TP73: variants seen among roughly 807,000 people sequenced by gnomAD.
The protein encoded by TP73 is tumor protein p73, also known as p53-like transcription factor.
Under a neutral mutation model 62.5 loss-of-function variants are expected in TP73, and 25 were observed. The observed-to-expected ratio is 0.40, with a 90% CI of 0.29 to 0.56. The LOEUF (loss-of-function observed/expected upper bound fraction) is 0.56, where lower values mean the gene tolerates loss of function less well. Ranked by LOEUF, TP73 falls within the 20% of genes least tolerant of loss-of-function variation. The probability of loss-of-function intolerance (pLI) is 0.46; values close to 1 mark genes in which losing one functional copy is unlikely to be tolerated. For synonymous variants in TP73, 423 were observed against 377.5 expected (o/e 1.12, Z -1.40); for missense variants, 754 against 913.3 (o/e 0.83, Z 2.25).
intron 3 of TP73, among the ~76,000 whole-genome samples, chr1:3,706,757 G>A (rs1356976906): frequency 2.0e-5 from 3 of 152,054 alleles, no homozygotes; most frequent in Non-Finnish European, 2.9e-5. Context: ...TGGGGTCCCG[G>A]GGCGCCACAG....
At chr1:3,730,394 G>C (rs1389665657) in intron 11 of TP73, among the ~76,000 whole-genome samples, 2 of 152,246 alleles carry the variant, frequency 1.3e-5, no homozygotes, top group Non-Finnish European at 2.9e-5. Context: ...ACTGCCTCTT[G>C]GCAGGCGAGG....
intron 3 of TP73, among the ~76,000 whole-genome samples, chr1:3,695,230 ACGTCGGAG>A (rs1308316836): frequency 6.6e-6 from 1 of 152,170 alleles, no homozygotes; most frequent in Non-Finnish European, 1.5e-5. Flanking sequence ...AGCGCTGGAG[ACGTCGGAG>A]CTGGGTGCTG....
intron 13 of TP73, 109 bp from the exon 14 acceptor site, chr1:3,732,638 G>C (rs1003946333): frequency 1.0e-6 from 1 of 980,808 alleles, no homozygotes; most frequent in African/African-American, 1.6e-5. Flanking sequence ...ACTCTGGTTG[G>C]GGGTGTAGGG....
rs773643657 is a variant in TP73, at chr1:3,732,968, C to T, written c.1800C>T (p.Gly600=). 4.4e-6 allele frequency: 7 copies of T among 1,601,566 alleles called. No homozygotes were observed. Among genetic ancestry groups the T allele is most frequent in the South Asian group, 2.2e-5 (2 of 89,906 alleles). ...VRHTITIPNR[G]GPGGGPDEWA... ...ACACCATCACCATCCCCAACCGCGG[C>T]GGCCCAGGCGGCGGCCCTGACGAGT... The change falls in exon 14 of 14, where the codon GGC becomes GGT. Residue 600 remains glycine, a synonymous_variant. Coordinates refer to ENST00000378295, the MANE Select transcript of TP73 (RefSeq NM_005427.4).
intron 2 of TP73, 119 bp downstream of exon 2, chr1:3,682,549 T>C: frequency 9.8e-7 from 1 of 1,018,464 alleles, no homozygotes; most frequent in Non-Finnish European, 1.3e-6. Flanking sequence ...GGGAGGACTC[T>C]GGGCTAGCCC....
At chr1:3,711,715 T>C (rs910859270) in intron 4 of TP73, among the ~76,000 whole-genome samples, 1 of 152,112 alleles carries the variant, frequency 6.6e-6, no homozygotes, top group South Asian at 2.1e-4. Flanking sequence ...GGCAGGATGG[T>C]GAGGACACAC....
intron 3 of TP73, chr1:3,691,088 G>A (rs1008546721): frequency 8.0e-7 from 1 of 1,244,986 alleles, no homozygotes; most frequent in African/African-American, 1.5e-5. Context: ...GGTAGGAAGG[G>A]AGGCGTTGAG....
intron 6 of TP73, 29 bp downstream of exon 6, chr1:3,723,498 G>A: frequency 2.0e-6 from 3 of 1,482,812 alleles, no homozygotes; most frequent in South Asian, 2.3e-5. Context: ...TGTGCCCAGG[G>A]CCCTGCAGTC....
intron 1 of TP73, among the ~76,000 whole-genome samples, chr1:3,680,302 C>T (rs1238920044): frequency 6.6e-6 from 1 of 152,232 alleles, no homozygotes; most frequent in East Asian, 1.9e-4. Flanking sequence ...CGGCCCTCTG[C>T]TGATGGGCGT....
At chr1:3,668,994 C>T (rs984664324) in intron 1 of TP73, among the ~76,000 whole-genome samples, 2 of 152,222 alleles carry the variant, frequency 1.3e-5, no homozygotes, top group Non-Finnish European at 1.5e-5. Context: ...TGCTCCGCCC[C>T]CAGCTGCCCT....
At chr1:3,693,446 C>T (rs1235956159) in intron 3 of TP73, among the ~76,000 whole-genome samples, 1 of 152,160 alleles carries the variant, frequency 6.6e-6, no homozygotes, top group African/African-American at 2.4e-5. Context: ...GCTGGGCCCG[C>T]CAATTGCCCC....
chr1:3,659,444 A>G (rs1644942789), intron 1 of TP73: 1 of 152,190 alleles, frequency 6.6e-6, no homozygotes, highest in Non-Finnish European at 1.5e-5. Flanking sequence ...CGTGATTCCA[A>G]TAAGAACGGT....
At chr1:3,687,399 C>G (rs150361865) in intron 3 of TP73, among the ~76,000 whole-genome samples, 1,548 of 152,300 alleles carry the variant, frequency 0.01, 13 homozygotes, top group African/African-American at 0.014. Flanking sequence ...GGATAAAGCT[C>G]CCTCGTAGGC....
At chr1:3,718,774 C>T (rs1473220814) in intron 4 of TP73, among the ~76,000 whole-genome samples, 2 of 152,194 alleles carry the variant, frequency 1.3e-5, no homozygotes, top group Non-Finnish European at 2.9e-5. Context: ...TAATGACCCC[C>T]ATCTCAGGCC....
intron 1 of TP73, among the ~76,000 whole-genome samples, chr1:3,671,292 T>C (rs1479103562): frequency 2.0e-5 from 3 of 152,158 alleles, no homozygotes; most frequent in African/African-American, 4.8e-5. Flanking sequence ...GCATGGAGCC[T>C]AGGATCCATT....
intron 3 of TP73, among the ~76,000 whole-genome samples, chr1:3,706,294 A>C (rs1034849766): frequency 6.6e-6 from 1 of 151,908 alleles, no homozygotes; most frequent in Non-Finnish European, 1.5e-5. Flanking sequence ...CCTCATCTGT[A>C]AAATGGGGAC....
chr1:3,656,888 A>G (rs146464403), intron 1 of TP73, among the ~76,000 whole-genome samples: 2 of 152,390 alleles, frequency 1.3e-5, no homozygotes, highest in Non-Finnish European at 2.9e-5. Flanking sequence ...AGCAAACTAC[A>G]GTCATAGCAG....
Position 3,733,550 on chromosome 1 carries a change from CTG to C in TP73, c.*475_*476del, listed in dbSNP as rs1412018049. ...TGGATAGTAGTGAGCAGCCAAGTGA[CTG>C]TGTCTGAAACACCAGTGTATTTTCA... is the stretch of plus-strand genomic sequence containing the variant. On this transcript the variant is annotated 3_prime_UTR_variant, in exon 14 of 14. Coordinates refer to ENST00000378295, the MANE Select transcript of TP73 (RefSeq NM_005427.4). 3 of 172,964 alleles carry C rather than the reference CTG, an allele frequency of 1.7e-5. No homozygotes were observed. Among genetic ancestry groups the C allele is most frequent in the African/African-American group, 7.1e-5 (3 of 41,994 alleles). 10.7% of individuals were successfully genotyped at this position (172,964 alleles called of 1,614,324 possible).
rs555561291 is a variant in TP73, at chr1:3,727,367, C to T, written c.842+143C>T. 1.0e-5 allele frequency: 10 copies of T among 977,034 alleles called. No individual in the cohort carries two copies. In the African/African-American group the frequency reaches 1.5e-4, roughly 14 times the overall value. The allele number at this position is 977,034 out of a possible 1,614,324, so 60.5% of individuals were successfully genotyped here. ...GGTGTGCTGCTGGAGGAAGGAACCGCCCCCTGGCCTGCAGGGCCTGCCTGG... is the reference window on the plus strand; with the variant it reads ...GGTGTGCTGCTGGAGGAAGGAACCGTCCCCTGGCCTGCAGGGCCTGCCTGG... On this transcript the variant is annotated intron_variant, in intron 7 of 13. Transcript: ENST00000378295.
Sources: gnomAD v4.1 joint callset for allele counts (sites outside exome capture counted in the v4.1 genomes callset) on GRCh38, gnomAD v4.1.1 for gene constraint, MANE v1.5 for transcripts, NCBI Gene and HGNC (gene_info 2026-07-23, HGNC 2026-07-21) for gene names.